The following LPP variants were observed in gnomAD, a reference collection of about 807,000 sequenced individuals.
LPP encodes LIM domain containing preferred translocation partner in lipoma.
Under a neutral mutation model 60.4 loss-of-function variants are expected in LPP, and 38 were observed. The observed-to-expected ratio is 0.63, with a 90% CI of 0.49 to 0.83. The LOEUF (loss-of-function observed/expected upper bound fraction) is 0.83, where lower values mean the gene tolerates loss of function less well. Among genes scored for constraint, LPP ranks in the 40% least tolerant of loss-of-function variants. The pLI is 0.00. For missense variants in LPP, 902 were observed against 783.6 expected, an observed-to-expected ratio of 1.15 and a Z score of -1.80; for synonymous variants, 328 against 290.8, an observed-to-expected ratio of 1.13 and a Z score of -1.30.
intron 4 of LPP, among the ~76,000 whole-genome samples, chr3:188,441,998 C>G (rs755754054): frequency 1.3e-5 from 2 of 152,192 alleles, no homozygotes; most frequent in Non-Finnish European, 2.9e-5. Flanking sequence ...CAGCTGTACA[C>G]TCTACAGGGG....
intron 8 of LPP, among the ~76,000 whole-genome samples, chr3:188,721,539 G>A (rs1235656234): frequency 6.6e-6 from 1 of 152,122 alleles, no homozygotes; most frequent in Non-Finnish European, 1.5e-5. Context: ...GAGTGACAGA[G>A]TAACAGTCTG....
At chr3:188,821,253 G>A (rs1331756799) in intron 9 of LPP, among the ~76,000 whole-genome samples, 3 of 150,062 alleles carry the variant, frequency 2.0e-5, no homozygotes, top group African/African-American at 7.4e-5. Flanking sequence ...TAAAACAGTG[G>A]TTCTCAATTA....
intron 2 of LPP, among the ~76,000 whole-genome samples, chr3:188,330,875 A>G (rs533924400): frequency 6.6e-6 from 1 of 151,036 alleles, no homozygotes; most frequent in Admixed American, 6.7e-5. Flanking sequence ...AAATAAATAA[A>G]TAAATAAATA....
intron 2 of LPP, among the ~76,000 whole-genome samples, chr3:188,276,899 T>C (rs962149263): frequency 3.1e-5 from 4 of 129,106 alleles, no homozygotes; most frequent in Non-Finnish European, 6.5e-5. Flanking sequence ...CTTTTCTTTT[T>C]TTTTTTTTTT....
intron 9 of LPP, among the ~76,000 whole-genome samples, chr3:188,769,511 C>G (rs1478066160): frequency 1.3e-5 from 2 of 152,278 alleles, no homozygotes; most frequent in Admixed American, 6.5e-5. Flanking sequence ...CCCTTTCTTC[C>G]CAGTTCCTGT....
intron 2 of LPP, among the ~76,000 whole-genome samples, chr3:188,258,260 TTCAG>T (rs1328147134): frequency 6.6e-6 from 1 of 152,246 alleles, no homozygotes; most frequent in Non-Finnish European, 1.5e-5. Flanking sequence ...CTTTGAACAT[TTCAG>T]TCAAACTTCT....
In LPP at chr3:188,341,088, C is replaced by T. The variant is rs1472568267; in HGVS notation, c.-66-575C>T. Among the ~76,000 whole-genome samples the T allele has an allele frequency of 3.3e-5, 5 of 152,286 alleles. No homozygotes were observed. In the East Asian group the frequency reaches 9.6e-4, roughly 29 times the overall value. ...TTGATTAAAGGAAATCTGACTGGCT[C>T]GAAATCCTATGTACTTTTCCCATTT... On this transcript the variant is annotated intron_variant, in intron 2 of 11. Coordinates refer to ENST00000617246, the MANE Select transcript of LPP (RefSeq NM_001375462.1).
chr3:188,167,068 G>A (rs1227090863), intron 1 of LPP, among the ~76,000 whole-genome samples: 1 of 152,192 alleles, frequency 6.6e-6, no homozygotes, highest in Non-Finnish European at 1.5e-5. Context: ...TCTGCTAATT[G>A]TTAGCCATAT....
intron 9 of LPP, among the ~76,000 whole-genome samples, chr3:188,851,004 C>G (rs1197374471): frequency 6.6e-6 from 1 of 152,154 alleles, no homozygotes; most frequent in African/African-American, 2.4e-5. Flanking sequence ...CTGGAGAGGA[C>G]AGAAGTAGGG....
At chr3:188,788,028 A>G (rs898813687) in intron 9 of LPP, among the ~76,000 whole-genome samples, 2 of 152,190 alleles carry the variant, frequency 1.3e-5, no homozygotes, top group Non-Finnish European at 2.9e-5. Flanking sequence ...CATGAATGGC[A>G]TTACCTTGTT....
At chr3:188,393,558 C>G (rs1183709247) in intron 3 of LPP, among the ~76,000 whole-genome samples, 1 of 152,162 alleles carries the variant, frequency 6.6e-6, no homozygotes. Flanking sequence ...ATCGTCAAAA[C>G]TGGGACACTT....
At chr3:188,208,228 T>G (rs1445977236) in intron 1 of LPP, 1 of 152,166 alleles carries the variant, frequency 6.6e-6, no homozygotes, top group Non-Finnish European at 1.5e-5. Context: ...ACAAGTGGCA[T>G]GTTGGGAAAG....
At chr3:188,371,547 T>C (rs1773077180) in intron 3 of LPP, among the ~76,000 whole-genome samples, 1 of 143,120 alleles carries the variant, frequency 7.0e-6, no homozygotes, top group Non-Finnish European at 1.5e-5. Flanking sequence ...ATCATATTAA[T>C]AATTTTACAA....
intron 9 of LPP, among the ~76,000 whole-genome samples, chr3:188,798,111 A>G (rs1745922458): frequency 6.6e-6 from 1 of 152,164 alleles, no homozygotes; most frequent in African/African-American, 2.4e-5. Flanking sequence ...CTGTGTTGAC[A>G]TTGAATGTTT....
chr3:188,275,040 T>C (rs963111424), intron 2 of LPP, among the ~76,000 whole-genome samples: 2 of 152,224 alleles, frequency 1.3e-5, no homozygotes, highest in Non-Finnish European at 2.9e-5. Flanking sequence ...CTCCAACTGT[T>C]ATTTCTTTAA....
intron 3 of LPP, among the ~76,000 whole-genome samples, chr3:188,402,109 A>T (rs1213557988): frequency 6.6e-6 from 1 of 152,296 alleles, no homozygotes; most frequent in Non-Finnish European, 1.5e-5. Context: ...TGTTAAAAGA[A>T]GATGTATTTA....
At chr3:188,448,479 T>C (rs985143476) in intron 4 of LPP, among the ~76,000 whole-genome samples, 1 of 152,024 alleles carries the variant, frequency 6.6e-6, no homozygotes, top group Non-Finnish European at 1.5e-5. Flanking sequence ...TATTTAGATA[T>C]CTTTATCTAA....
intron 7 of LPP, among the ~76,000 whole-genome samples, chr3:188,639,756 C>T (rs1318363320): frequency 1.3e-5 from 2 of 152,144 alleles, no homozygotes; most frequent in Non-Finnish European, 2.9e-5. Context: ...GCCAAAAAAA[C>T]ACATGAAAAA....
chr3:188,374,795 G>C (rs1005798027), intron 3 of LPP, among the ~76,000 whole-genome samples: 2 of 152,138 alleles, frequency 1.3e-5, no homozygotes, highest in African/African-American at 4.8e-5. Flanking sequence ...CATTTTCAAA[G>C]GGAATGCTTC....
Sources: allele counts gnomAD v4.1 joint callset (sites outside exome capture counted in the v4.1 genomes callset), GRCh38; gene constraint gnomAD v4.1.1; transcripts MANE v1.5; gene names NCBI Gene and HGNC (gene_info 2026-07-23, HGNC 2026-07-21).